SPRED2: variants seen among roughly 807,000 people sequenced by gnomAD.
SPRED2 encodes the protein sprouty related EVH1 domain containing 2.
In SPRED2, 47 loss-of-function variants were observed where a neutral mutation model predicts 43.0. The observed-to-expected ratio is 1.09, with a 90% confidence interval of 0.87 to 1.40. The LOEUF (loss-of-function observed/expected upper bound fraction) is 1.40, where lower values mean the gene tolerates loss of function less well. SPRED2 is among the 40% of genes most tolerant of loss of function. The pLI is 0.00. For missense variants in SPRED2, 561 were observed against 586.4 expected, an observed-to-expected ratio of 0.96 and a Z score of 0.45; for synonymous variants, 225 against 225.7, an observed-to-expected ratio of 1.00 and a Z score of 0.03.
intron 1 of SPRED2, among the ~76,000 whole-genome samples, chr2:65,378,662 A>AT (rs1675302266): frequency 6.6e-6 from 1 of 152,222 alleles, no homozygotes; most frequent in African/African-American, 2.4e-5. Flanking sequence ...TCCTCAGATG[A>AT]TAAGAGTTGG....
intron 1 of SPRED2, among the ~76,000 whole-genome samples, chr2:65,356,531 TCC>T (rs2104300667): frequency 1.2e-5 from 1 of 84,536 alleles, no homozygotes; most frequent in East Asian, 2.7e-4. Flanking sequence ...GTTCCCCAGT[TCC>T]CTCTTTTTTT....
chr2:65,332,951 A>G (rs1307500185), intron 3 of SPRED2, among the ~76,000 whole-genome samples: 1 of 152,216 alleles, frequency 6.6e-6, no homozygotes, highest in East Asian at 1.9e-4. Context: ...TCTTGGTTAG[A>G]TCTTTTAAAA....
At position 65,344,609 on chromosome 2, in the gene SPRED2, T is replaced by C. The variant is rs746730669; in HGVS notation, c.204+110A>G. 9 of 1,404,540 alleles carry C rather than the reference T, an allele frequency of 6.4e-6. No homozygotes were observed. The African/African-American group carries it at 1.3e-4, about 20-fold the overall frequency. The allele number at this position is 1,404,540 out of a possible 1,614,324, so 87.0% of individuals were successfully genotyped here. A position where few individuals can be genotyped will look rare whatever the true frequency, so the allele number is the denominator to read the frequency against. Reference sequence around the variant, plus strand: ...AACTTTTGAAGCTTTTGCAAGAGTTTGAAGTCAGAGAAAGAAAGAAAAAAA... The same window carrying C: ...AACTTTTGAAGCTTTTGCAAGAGTTCGAAGTCAGAGAAAGAAAGAAAAAAA... On this transcript the variant is annotated intron_variant, in intron 2 of 5. Coordinates refer to ENST00000356388, the MANE Select transcript of SPRED2 (RefSeq NM_181784.3).
intron 1 of SPRED2, among the ~76,000 whole-genome samples, chr2:65,398,386 GACTTAA>G (rs1482434532): frequency 4.6e-5 from 7 of 152,046 alleles, no homozygotes; most frequent in African/African-American, 1.2e-4. Context: ...AGATATATGG[GACTTAA>G]ACTTAAAAAG....
intron 1 of SPRED2, among the ~76,000 whole-genome samples, chr2:65,409,680 C>A (rs1676105366): frequency 1.5e-5 from 2 of 136,522 alleles, no homozygotes; most frequent in African/African-American, 2.7e-5. Context: ...TAATAAAACT[C>A]CAGTTTCCTG....
At chr2:65,421,365 G>C (rs1676418640) in intron 1 of SPRED2, among the ~76,000 whole-genome samples, 1 of 152,162 alleles carries the variant, frequency 6.6e-6, no homozygotes, top group South Asian at 2.1e-4. Context: ...GGACAATGAA[G>C]ATAAAACCAT....
intron 1 of SPRED2, among the ~76,000 whole-genome samples, chr2:65,386,453 C>G (rs1303050745): frequency 2.0e-5 from 3 of 152,160 alleles, no homozygotes; most frequent in Non-Finnish European, 4.4e-5. Flanking sequence ...CACGTCCTCT[C>G]TATCGTACCT....
At position 65,401,937 on chromosome 2, in the gene SPRED2, G is replaced by GCGCGCGCGCGCACACA. The variant is rs776512353; in HGVS notation, c.26+30024_26+30025insTGTGTGCGCGCGCGCG. On this transcript the variant is annotated intron_variant, in intron 1 of 5. Transcript: ENST00000356388. ...ACGATCAGAATATTAGCGCGCGCGC[G>GCGCGCGCGCGCACACA]CACACACACACACACACACACACAC... is the stretch of plus-strand genomic sequence containing the variant. Among the ~76,000 whole-genome samples the GCGCGCGCGCGCACACA allele has an allele frequency of 2.2e-3, 249 of 114,714 alleles. 1 individual carries two copies. The highest frequency in any genetic ancestry group is 7.7e-3 in the African/African-American group (228 of 29,586). The allele number at this position is 114,714 out of a possible 152,430, so 75.3% of individuals were successfully genotyped here.
In SPRED2 at chr2:65,432,148, C is replaced by A. The variant is rs964660845; in HGVS notation, c.-161G>T. 45 of 876,720 alleles carry A rather than the reference C, an allele frequency of 5.1e-5. No individual in the cohort carries two copies. The highest frequency in any genetic ancestry group is 7.9e-5 in the Non-Finnish European group (44 of 555,248). The allele number at this position is 876,720 out of a possible 1,614,324, so 54.3% of individuals were successfully genotyped here. A position where few individuals can be genotyped will look rare whatever the true frequency, so the allele number is the denominator to read the frequency against. ...CGCCGCAGCAGAAGGGGAAGCAGGG[C>A]GCGGGATAGGGTTTGGGGGAAGGGG... On this transcript the variant is annotated 5_prime_UTR_variant, in exon 1 of 6. Transcript: ENST00000356388.
At chr2:65,424,034 C>A (rs997554627) in intron 1 of SPRED2, among the ~76,000 whole-genome samples, 1 of 152,016 alleles carries the variant, frequency 6.6e-6, no homozygotes, top group African/African-American at 2.4e-5. Flanking sequence ...GGTGGTCGGC[C>A]CACCTCGGAC....
At chr2:65,424,498 A>G (rs1256610245) in intron 1 of SPRED2, among the ~76,000 whole-genome samples, 2 of 152,078 alleles carry the variant, frequency 1.3e-5, no homozygotes, top group African/African-American at 4.8e-5. Flanking sequence ...ATGGTGGTGT[A>G]CACCTGTGGT....
At chr2:65,395,621 A>G (rs888265380) in intron 1 of SPRED2, among the ~76,000 whole-genome samples, 3 of 152,238 alleles carry the variant, frequency 2.0e-5, no homozygotes, top group African/African-American at 7.2e-5. Context: ...CTAAAAAGTC[A>G]TTTAAGGTCT....
chr2:65,403,783 G>A (rs956940516), intron 1 of SPRED2, among the ~76,000 whole-genome samples: 1 of 152,180 alleles, frequency 6.6e-6, no homozygotes, highest in Non-Finnish European at 1.5e-5. Context: ...CAAAGCACTG[G>A]TCTGAAAGGC....
rs5831754 is a variant in SPRED2, at chr2:65,386,980, CT to C, written c.27-42085del. ...ACAGTTTTCTACATATGGCTAAGAG[CT>C]TTTTTTTTTTTTTTAAGTTGAACCT... is the stretch of plus-strand genomic sequence containing the variant. On this transcript the variant is annotated intron_variant, in intron 1 of 5. Coordinates refer to ENST00000356388, the MANE Select transcript of SPRED2 (RefSeq NM_181784.3). Among the ~76,000 whole-genome samples, 757 of 144,550 alleles carry C rather than the reference CT, an allele frequency of 5.2e-3. 3 individuals carry two copies. Among genetic ancestry groups the C allele is most frequent in the African/African-American group, 0.012 (468 of 39,006 alleles). The allele number at this position is 144,550 out of a possible 152,430, so 94.8% of individuals were successfully genotyped here.
intron 1 of SPRED2, among the ~76,000 whole-genome samples, chr2:65,381,956 C>T (rs1675383358): frequency 6.6e-6 from 1 of 152,202 alleles, no homozygotes; most frequent in Non-Finnish European, 1.5e-5. Flanking sequence ...CTGTACTTCT[C>T]AAAGCAGGAG....
chr2:65,366,680 T>A, intron 1 of SPRED2: 1 of 1,543,698 alleles, frequency 6.5e-7, no homozygotes, highest in Admixed American at 2.0e-5. Context: ...TAAAAATGGA[T>A]CGTCTCTTGC....
chr2:65,359,851 G>C (rs1674753141), intron 1 of SPRED2, among the ~76,000 whole-genome samples: 1 of 151,966 alleles, frequency 6.6e-6, no homozygotes, highest in South Asian at 2.1e-4. Flanking sequence ...GATTACCTGA[G>C]GTCAGGAGTT....
chr2:65,361,836 CT>C (rs1674823078), intron 1 of SPRED2, among the ~76,000 whole-genome samples: 1 of 152,208 alleles, frequency 6.6e-6, no homozygotes, highest in Non-Finnish European at 1.5e-5. Flanking sequence ...CCCAAGCAGC[CT>C]TTATGACACA....
At chr2:65,429,129 A>G (rs1475272137) in intron 1 of SPRED2, among the ~76,000 whole-genome samples, 2 of 152,240 alleles carry the variant, frequency 1.3e-5, no homozygotes, top group African/African-American at 4.8e-5. Flanking sequence ...ATGGAAAACA[A>G]CATTAGAAAA....
Sources: allele counts gnomAD v4.1 joint callset (sites outside exome capture counted in the v4.1 genomes callset), GRCh38; gene constraint gnomAD v4.1.1; transcripts MANE v1.5; gene names NCBI Gene and HGNC (gene_info 2026-07-23, HGNC 2026-07-21).